Variants in AFF2 observed in about 807,000 individuals in gnomAD.
AFF2 encodes the protein AF4/FMR2 family member 2.
AFF2 carries 14 observed loss-of-function variants against 76.9 expected under a neutral mutation model. The ratio of observed to expected loss-of-function variants is 0.18; its 90% CI spans 0.12 to 0.28. AFF2 has a LOEUF of 0.28. Among genes scored for constraint, AFF2 ranks in the 10% least tolerant of loss-of-function variants. AFF2 has a pLI of 1.00. For missense variants in AFF2, 868 were observed against 1,001.1 expected (o/e 0.87, Z 1.79); for synonymous variants, 398 against 366.7 (o/e 1.09, Z -0.98).
intron 8 of AFF2, among the ~76,000 whole-genome samples, chrX:148,894,888 G>GATATATATATAT (rs201173844): frequency 1.8e-5 from 2 of 108,595 alleles, no homozygotes; most frequent in African/African-American, 7.0e-5. Context: ...TAAAATGTGA[G>GATATATATATAT]ATAGATAGAT....
At chrX:148,533,524 C>T (rs1266800270) in intron 1 of AFF2, among the ~76,000 whole-genome samples, 10 of 111,194 alleles carry the variant, frequency 9.0e-5, no homozygotes, top group African/African-American at 2.3e-4. Context: ...GATCTCCTGA[C>T]CTCGTGATCC....
chrX:148,742,727 T>C (rs1229436540), intron 3 of AFF2, among the ~76,000 whole-genome samples: 3 of 111,851 alleles, frequency 2.7e-5, no homozygotes, highest in African/African-American at 9.7e-5. Context: ...GAGATGAGTA[T>C]TATTTTCCCG....
intron 3 of AFF2, among the ~76,000 whole-genome samples, chrX:148,676,218 C>T (rs781840858): frequency 9.1e-6 from 1 of 109,606 alleles, no homozygotes; most frequent in East Asian, 2.9e-4. Flanking sequence ...CACCACCACG[C>T]CCGGCTTATT....
chrX:148,538,794 T>C lies in AFF2; in HGVS notation c.47+37650T>C, dbSNP rs1330887390. On this transcript the variant is annotated intron_variant, in intron 1 of 20. Transcript: ENST00000370460. The stretch of plus-strand genomic sequence containing the variant: ...TGAGAAAACTGAGGGCTCAGAGAGA[T>C]TACTCAAGTCAGACAGCTAAGTAAA... Among the ~76,000 whole-genome samples the C allele has an allele frequency of 4.5e-5, 5 of 111,987 alleles. No homozygotes were observed. The East Asian group carries it at 1.4e-3, about 32-fold the overall frequency.
At chrX:148,726,280 G>A (rs913402962) in intron 3 of AFF2, among the ~76,000 whole-genome samples, 1 of 111,797 alleles carries the variant, frequency 8.9e-6, no homozygotes, top group Admixed American at 9.5e-5. Context: ...AGCGTCCAAG[G>A]TTTTTACTGG....
chrX:148,634,531 A>T (rs1199481136), intron 1 of AFF2, among the ~76,000 whole-genome samples: 1 of 111,397 alleles, frequency 9.0e-6, no homozygotes, highest in Non-Finnish European at 1.9e-5. Flanking sequence ...TCACTTTTGG[A>T]TGGTTACTTT....
chrX:148,635,568 A>G (rs138942889), intron 1 of AFF2, among the ~76,000 whole-genome samples: 1,418 of 112,000 alleles, frequency 0.013, 29 homozygotes, highest in African/African-American at 0.044. Context: ...GTAACTCATT[A>G]TGTATTTGGG....
At chrX:148,542,594 C>A (rs2052871779) in intron 1 of AFF2, among the ~76,000 whole-genome samples, 1 of 112,133 alleles carries the variant, frequency 8.9e-6, no homozygotes, top group Admixed American at 9.4e-5. Flanking sequence ...AGAACTGAGG[C>A]TTGGCTGGCT....
chrX:148,597,736 C>A (rs2053588437), intron 1 of AFF2, among the ~76,000 whole-genome samples: 2 of 111,933 alleles, frequency 1.8e-5, no homozygotes, highest in Non-Finnish European at 3.8e-5. Flanking sequence ...AATCACCCCC[C>A]TGAGGAGTCA....
intron 3 of AFF2, among the ~76,000 whole-genome samples, chrX:148,783,482 TTTAG>T (rs1426767646): frequency 1.8e-5 from 2 of 112,069 alleles, no homozygotes; most frequent in Admixed American, 9.5e-5. Flanking sequence ...TGACTTGTAT[TTTAG>T]TTAGTTTTTA....
Position 148,501,040 on chromosome X carries a change from C to G in AFF2, c.-58C>G. ...ACCGCCAGCGAGCTGTGCCGAGAGC[C>G]GCGCCGACCCGCTGCGATCAGGGAC... On this transcript the variant is annotated 5_prime_UTR_variant, in exon 1 of 21. Coordinates refer to ENST00000370460, the MANE Select transcript of AFF2 (RefSeq NM_002025.4). 8.4e-7 allele frequency: 1 copy of G among 1,191,248 alleles called. No homozygotes were observed. The highest frequency in any genetic ancestry group is 1.1e-6 in the Non-Finnish European group (1 of 884,833).
chrX:148,522,203 T>C (rs2052609851), intron 1 of AFF2, among the ~76,000 whole-genome samples: 1 of 112,510 alleles, frequency 8.9e-6, no homozygotes, highest in African/African-American at 3.2e-5. Flanking sequence ...GGGTTGCACC[T>C]ACTGGACCTA....
At chrX:148,688,364 A>T (rs782706617) in intron 3 of AFF2, among the ~76,000 whole-genome samples, 3 of 111,268 alleles carry the variant, frequency 2.7e-5, no homozygotes, top group Non-Finnish European at 3.8e-5. Flanking sequence ...GTGCCATCAT[A>T]CTTTTACCAG....
At chrX:148,677,751 C>T (rs1311615163) in intron 3 of AFF2, among the ~76,000 whole-genome samples, 1 of 112,274 alleles carries the variant, frequency 8.9e-6, no homozygotes, top group East Asian at 2.8e-4. Context: ...AATGACTTTG[C>T]ACTCAGTGCT....
intron 9 of AFF2, among the ~76,000 whole-genome samples, chrX:148,930,055 A>G (rs782389389): frequency 6.3e-5 from 7 of 111,931 alleles, no homozygotes; most frequent in Admixed American, 9.5e-5. Flanking sequence ...CAAGAGCATC[A>G]TGATTTTTAC....
rs186812377 is a variant in AFF2 at position 148,778,308 on chromosome X, A to G, written c.1042-31568A>G. Among the ~76,000 whole-genome samples the G allele has an allele frequency of 1.4e-4, 16 of 110,440 alleles. 1 individual carries two copies. In the East Asian group the frequency reaches 4.3e-3, roughly 30 times the overall value. On this transcript the variant is annotated intron_variant, in intron 3 of 20. Coordinates refer to ENST00000370460, the MANE Select transcript of AFF2 (RefSeq NM_002025.4). ...TGTTCGTGAGGGATATTGGCCTGAA[A>G]TTTTCTTTTTTTGTTGTGTCTCTGC... is the stretch of plus-strand genomic sequence containing the variant.
Position 148,956,521 on chromosome X carries a change from C to A in AFF2, c.2476C>A (p.Pro826Thr). ...CTCACTCCATGCAGCACCTGCCAAG[C>A]CAGACCACAAGGAGACTGCCACAAA... ...HSSLHAAPAKPDHKETATKPK... is the reference protein window; with the variant it reads ...HSSLHAAPAKTDHKETATKPK... The change falls in exon 11 of 21, where the codon CCA becomes ACA. Residue 826 changes from proline to threonine, a missense_variant. Pro to Thr is a conservative substitution (Grantham distance 38). Transcript: ENST00000370460. 1 of 1,211,898 alleles carries A rather than the reference C, an allele frequency of 8.3e-7. No homozygotes were observed. Among genetic ancestry groups the A allele is most frequent in the South Asian group, 1.8e-5 (1 of 56,990 alleles).
chrX:148,718,493 A>C (rs2055052510), intron 3 of AFF2, among the ~76,000 whole-genome samples: 1 of 111,374 alleles, frequency 9.0e-6, no homozygotes. Context: ...TCAGAGCTGC[A>C]GGTTCTTTAT....
intron 3 of AFF2, among the ~76,000 whole-genome samples, chrX:148,773,428 C>T (rs2069615281): frequency 9.1e-6 from 1 of 110,377 alleles, no homozygotes; most frequent in Non-Finnish European, 1.9e-5. Flanking sequence ...ATTCTGTTTC[C>T]AGCTCTTATT....
Sources: allele counts gnomAD v4.1 joint callset (sites outside exome capture counted in the v4.1 genomes callset), GRCh38; gene constraint gnomAD v4.1.1; transcripts MANE v1.5; gene names NCBI Gene and HGNC (gene_info 2026-07-23, HGNC 2026-07-21).